C3orf70: variants seen among roughly 807,000 people sequenced by gnomAD.
C3orf70 encodes chromosome 3 open reading frame 70, also known as UPF0524 protein C3orf70.
C3orf70 carries 15 observed loss-of-function variants against 20.7 expected under a neutral mutation model. That is an observed-to-expected ratio of 0.72 (90% CI 0.48 to 1.11). The LOEUF is 1.11. C3orf70 is among the 50% of genes most tolerant of loss of function. C3orf70 has a pLI of 0.00. For missense variants in C3orf70, 332 were observed against 317.6 expected, an observed-to-expected ratio of 1.05 and a Z score of -0.34; for synonymous variants, 161 against 125.7, an observed-to-expected ratio of 1.28 and a Z score of -1.88.
In C3orf70 at chr3:185,117,615, GA is replaced by G. The variant is rs1213412180; in HGVS notation, c.197-34053del. Among the ~76,000 whole-genome samples the G allele has an allele frequency of 3.9e-5, 6 of 152,310 alleles. No individual in the cohort carries two copies. In the South Asian group the frequency reaches 1.2e-3, roughly 32 times the overall value. On this transcript the variant is annotated intron_variant, in intron 1 of 1. Coordinates refer to ENST00000335012, the MANE Select transcript of C3orf70 (RefSeq NM_001025266.3). The stretch of plus-strand genomic sequence containing the variant: ...CTTCCACAGTAATCTTTCTCAAGAA[GA>G]TCCTTCTAAAACACAAATCTGATTA...
At chr3:185,130,577 C>T (rs986083178) in intron 1 of C3orf70, among the ~76,000 whole-genome samples, 11 of 152,160 alleles carry the variant, frequency 7.2e-5, no homozygotes, top group Non-Finnish European at 1.2e-4. Flanking sequence ...TTTATCACTG[C>T]CCCAAAAAGA....
At chr3:185,112,870 CT>C (rs1174442770) in intron 1 of C3orf70, among the ~76,000 whole-genome samples, 2 of 151,846 alleles carry the variant, frequency 1.3e-5, no homozygotes, top group African/African-American at 2.4e-5. Context: ...TTAATATTTT[CT>C]TTTTTTGAAT....
At position 185,077,789 on chromosome 3, in the gene C3orf70, T is replaced by G. The variant is rs367675598; in HGVS notation, c.*5218A>C. The stretch of plus-strand genomic sequence containing the variant: ...TGAAATAAATGCTATTTGGTGGTGG[T>G]GGGGGGGGGGTATCAAGTTTTATTT... On this transcript the variant is annotated 3_prime_UTR_variant, in exon 2 of 2. Transcript: ENST00000335012. 0.014 allele frequency among the ~76,000 whole-genome samples: 1,752 copies of G among 123,868 alleles called. 28 individuals are homozygous for G. Among genetic ancestry groups the G allele is most frequent in the East Asian group, 0.041 (154 of 3,772 alleles). 81.3% of individuals were successfully genotyped at this position (123,868 alleles called of 152,430 possible).
intron 1 of C3orf70, among the ~76,000 whole-genome samples, chr3:185,139,135 G>A (rs568631165): frequency 7.4e-5 from 11 of 149,366 alleles, no homozygotes; most frequent in East Asian, 3.9e-4. Flanking sequence ...GAGGGGGAGC[G>A]GGAGGAGGAA....
intron 1 of C3orf70, among the ~76,000 whole-genome samples, chr3:185,105,932 A>G (rs1013939391): frequency 6.6e-6 from 1 of 152,148 alleles, no homozygotes; most frequent in African/African-American, 2.4e-5. Flanking sequence ...AGGAGGAAGG[A>G]GAGTATAGCA....
chr3:185,083,697 T>C, intron 1 of C3orf70, 134 bp from the exon 2 acceptor site: 1 of 700,216 alleles, frequency 1.4e-6, no homozygotes, highest in Non-Finnish European at 2.3e-6. Context: ...AATAAAATCA[T>C]TCAACATTGG....
At chr3:185,140,759 G>C (rs1037192547) in intron 1 of C3orf70, among the ~76,000 whole-genome samples, 1 of 149,396 alleles carries the variant, frequency 6.7e-6, no homozygotes, top group African/African-American at 2.5e-5. Context: ...GACCAGCCTG[G>C]CCATCATGGT....
rs1463797478 is a variant in C3orf70, at chr3:185,080,727, G to A, written c.*2280C>T. 1 of 152,074 alleles carries A rather than the reference G, an allele frequency of 6.6e-6. No homozygotes were observed. Among genetic ancestry groups the A allele is most frequent in the East Asian group, 1.9e-4 (1 of 5,162 alleles). 9.4% of individuals were successfully genotyped at this position (152,074 alleles called of 1,614,324 possible). A position where few individuals can be genotyped will look rare whatever the true frequency, so the allele number is the denominator to read the frequency against. ...TGCACGGGAGGCACCGAGAACCTCGGGCAGGGTTCATCAGATGTCCCTGTG... is the reference window on the plus strand; with the variant it reads ...TGCACGGGAGGCACCGAGAACCTCGAGCAGGGTTCATCAGATGTCCCTGTG... On this transcript the variant is annotated 3_prime_UTR_variant, in exon 2 of 2. Coordinates refer to ENST00000335012, the MANE Select transcript of C3orf70 (RefSeq NM_001025266.3).
chr3:185,092,370 T>C (rs984765758), intron 1 of C3orf70, among the ~76,000 whole-genome samples: 2 of 152,108 alleles, frequency 1.3e-5, no homozygotes, highest in African/African-American at 2.4e-5. Flanking sequence ...CATTCCTGAG[T>C]TTCTGGTACC....
At chr3:185,090,632 A>C (rs76453307) in intron 1 of C3orf70, among the ~76,000 whole-genome samples, 7,590 of 152,292 alleles carry the variant, frequency 0.05, 285 homozygotes, top group Non-Finnish European at 0.074. Flanking sequence ...TGTTTATTTT[A>C]TTCCCAAGGG....
chr3:185,136,824 C>A (rs1451534085), intron 1 of C3orf70, among the ~76,000 whole-genome samples: 1 of 150,776 alleles, frequency 6.6e-6, no homozygotes, highest in Non-Finnish European at 1.5e-5. Context: ...GCAGGAGAAT[C>A]GCCTGAACCC....
At chr3:185,132,153 AT>A (rs1276910243) in intron 1 of C3orf70, among the ~76,000 whole-genome samples, 1 of 152,214 alleles carries the variant, frequency 6.6e-6, no homozygotes, top group Non-Finnish European at 1.5e-5. Flanking sequence ...ATTCCATGGG[AT>A]AACATTCCAC....
intron 1 of C3orf70, among the ~76,000 whole-genome samples, chr3:185,111,563 A>G (rs1399706404): frequency 6.6e-6 from 1 of 152,244 alleles, no homozygotes; most frequent in East Asian, 1.9e-4. Context: ...TTCAATAAAA[A>G]AGACAATAAA....
chr3:185,116,387 A>G (rs1409327924), intron 1 of C3orf70, among the ~76,000 whole-genome samples: 1 of 152,354 alleles, frequency 6.6e-6, no homozygotes, highest in African/African-American at 2.4e-5. Flanking sequence ...ATAGAATGTC[A>G]TATCTACTCA....
chr3:185,115,017 A>G (rs1716147098), intron 1 of C3orf70, among the ~76,000 whole-genome samples: 1 of 152,242 alleles, frequency 6.6e-6, no homozygotes, highest in African/African-American at 2.4e-5. Context: ...AGGTTAGAAT[A>G]GATCAGTGAT....
rs1715291996 is a variant in C3orf70, at chr3:185,079,794, A to G, written c.*3213T>C. 6.5e-6 allele frequency: 1 copy of G among 152,690 alleles called. No homozygotes were observed. Among genetic ancestry groups the G allele is most frequent in the Non-Finnish European group, 1.5e-5 (1 of 68,042 alleles). The allele number at this position is 152,690 out of a possible 1,614,324, so 9.5% of individuals were successfully genotyped here. ...ATCCACACAGCCCAACCCTTGCTCCAATGAGCATATTACTGGGTCCAAAGT... is the reference window on the plus strand; with the variant it reads ...ATCCACACAGCCCAACCCTTGCTCCGATGAGCATATTACTGGGTCCAAAGT... On this transcript the variant is annotated 3_prime_UTR_variant, in exon 2 of 2. Transcript: ENST00000335012.
chr3:185,087,888 T>C (rs143987270), intron 1 of C3orf70, among the ~76,000 whole-genome samples: 3 of 151,192 alleles, frequency 2.0e-5, no homozygotes, highest in African/African-American at 4.8e-5. Context: ...TCTTTGACTT[T>C]ATGTATTTTA....
Position 185,079,795 on chromosome 3 carries a change from A to G in C3orf70, c.*3212T>C, listed in dbSNP as rs982141654. 15 of 152,808 alleles carry G rather than the reference A, an allele frequency of 9.8e-5. No individual in the cohort carries two copies. The East Asian group carries it at 1.9e-3, about 20-fold the overall frequency. The allele number at this position is 152,808 out of a possible 1,614,324, so 9.5% of individuals were successfully genotyped here. A position where few individuals can be genotyped will look rare whatever the true frequency, so the allele number is the denominator to read the frequency against. ...TCCACACAGCCCAACCCTTGCTCCAATGAGCATATTACTGGGTCCAAAGTA... is the reference window on the plus strand; with the variant it reads ...TCCACACAGCCCAACCCTTGCTCCAGTGAGCATATTACTGGGTCCAAAGTA... On this transcript the variant is annotated 3_prime_UTR_variant, in exon 2 of 2. Coordinates refer to ENST00000335012, the MANE Select transcript of C3orf70 (RefSeq NM_001025266.3).
chr3:185,122,322 T>C (rs900439345), intron 1 of C3orf70, among the ~76,000 whole-genome samples: 1 of 152,150 alleles, frequency 6.6e-6, no homozygotes, highest in Non-Finnish European at 1.5e-5. Flanking sequence ...CAGAATACCA[T>C]TGGCCCTCCA....
Sources: allele counts gnomAD v4.1 joint callset (sites outside exome capture counted in the v4.1 genomes callset), GRCh38; gene constraint gnomAD v4.1.1; transcripts MANE v1.5; gene names NCBI Gene and HGNC (gene_info 2026-07-23, HGNC 2026-07-21).